The following WDR59 variants were observed in gnomAD, a reference collection of about 807,000 sequenced individuals.
The protein encoded by WDR59 is WD repeat domain 59.
Under a neutral mutation model 131.2 loss-of-function variants are expected in WDR59, and 100 were observed. That is an observed-to-expected ratio of 0.76 (90% CI 0.65 to 0.90). The LOEUF is 0.90. Among genes scored for constraint, WDR59 ranks in the 40% least tolerant of loss-of-function variants. The pLI is 0.00. For missense variants in WDR59, 1,203 were observed against 1,262.2 expected (o/e 0.95, Z 0.71); for synonymous variants, 601 against 466.2 (o/e 1.29, Z -3.72).
intron 18 of WDR59, among the ~76,000 whole-genome samples, chr16:74,898,758 C>T (rs977004711): frequency 9.2e-5 from 14 of 152,176 alleles, no homozygotes; most frequent in Non-Finnish European, 1.3e-4. Flanking sequence ...ATCCGCAGAG[C>T]GGGCAGGGAG....
chr16:74,895,994 C>T (rs935633451), intron 18 of WDR59, among the ~76,000 whole-genome samples: 1 of 152,032 alleles, frequency 6.6e-6, no homozygotes, highest in African/African-American at 2.4e-5. Flanking sequence ...CTGTGATTTT[C>T]ATTCAGGTTT....
chr16:74,921,890 G>A (rs549639241), intron 10 of WDR59, 57 bp downstream of exon 10: 1 of 1,570,410 alleles, frequency 6.4e-7, no homozygotes, highest in Non-Finnish European at 8.6e-7. Flanking sequence ...AACACTGACT[G>A]GCACCGCTGT....
intron 5 of WDR59, 97 bp from the exon 6 acceptor site, chr16:74,948,653 A>G (rs770903050): frequency 9.5e-7 from 1 of 1,048,912 alleles, no homozygotes; most frequent in South Asian, 1.3e-5. Context: ...CTTTCCTTTC[A>G]GTGGGAACTT....
At chr16:74,953,537 A>G (rs144519989) in intron 3 of WDR59, among the ~76,000 whole-genome samples, 179 of 152,200 alleles carry the variant, frequency 1.2e-3, no homozygotes, top group African/African-American at 4.1e-3. Flanking sequence ...AAACTTCATT[A>G]AAATTAAAGC....
chr16:74,879,022 T>C (rs551089124), intron 25 of WDR59, among the ~76,000 whole-genome samples: 1 of 152,280 alleles, frequency 6.6e-6, no homozygotes, highest in Non-Finnish European at 1.5e-5. Flanking sequence ...TCACTACTGA[T>C]ATTACTGAAG....
At chr16:74,929,095 G>T (rs2031144444) in intron 8 of WDR59, among the ~76,000 whole-genome samples, 2 of 152,136 alleles carry the variant, frequency 1.3e-5, no homozygotes. Context: ...CTTTTCTTGA[G>T]ACGGAGTCTC....
intron 8 of WDR59, among the ~76,000 whole-genome samples, chr16:74,930,197 T>G (rs1426936401): frequency 3.3e-5 from 5 of 152,184 alleles, no homozygotes; most frequent in South Asian, 2.1e-4. Flanking sequence ...AAGGGTATGA[T>G]TAGAATGTTT....
At chr16:74,890,480 C>T (rs1429300541) in intron 20 of WDR59, among the ~76,000 whole-genome samples, 1 of 152,058 alleles carries the variant, frequency 6.6e-6, no homozygotes, top group Admixed American at 6.6e-5. Context: ...GCTGTTTCAT[C>T]AGTAAGTTGG....
At position 74,916,122 on chromosome 16, in the gene WDR59, A is replaced by T. The variant is rs1966360657; in HGVS notation, c.1099+5T>A. 1 of 1,613,990 alleles carries T rather than the reference A, an allele frequency of 6.2e-7. No homozygotes were observed. Among genetic ancestry groups the T allele is most frequent in the African/African-American group, 1.3e-5 (1 of 74,902 alleles). On this transcript the variant is annotated splice_donor_5th_base_variant and intron_variant, in intron 12 of 25. Transcript: ENST00000262144. ...CTTACCTGAGACATCAGTTTGACAA[A>T]TTACCTTCTTCCTCCCCATGGCTTG...
Position 74,871,771 on chromosome 16 carries a change from C to A in WDR59, c.*2438G>T, listed in dbSNP as rs1392260260. 1 of 152,254 alleles carries A rather than the reference C, an allele frequency of 6.6e-6. No homozygotes were observed. Among genetic ancestry groups the A allele is most frequent in the Admixed American group, 6.5e-5 (1 of 15,272 alleles). The allele number at this position is 152,254 out of a possible 1,614,324, so 9.4% of individuals were successfully genotyped here. On this transcript the variant is annotated 3_prime_UTR_variant, in exon 26 of 26. Transcript: ENST00000262144. Reference sequence around the variant, plus strand: ...AATCAGCCAACCTATTCTGTGATCACCATTACAACAGAATTTGTGTATGCA... The same window carrying A: ...AATCAGCCAACCTATTCTGTGATCAACATTACAACAGAATTTGTGTATGCA...
chr16:74,888,718 G>A (rs1319036920), intron 21 of WDR59, among the ~76,000 whole-genome samples: 3 of 152,086 alleles, frequency 2.0e-5, no homozygotes, highest in African/African-American at 7.2e-5. Flanking sequence ...TCCCACACAT[G>A]TCATTTATAT....
At position 74,974,773 on chromosome 16, in the gene WDR59, T is replaced by C. The variant is rs150192391; in HGVS notation, c.55-8951A>G. Among the ~76,000 whole-genome samples the C allele has an allele frequency of 3.9e-3, 588 of 152,208 alleles. 1 individual carries two copies. The highest frequency in any genetic ancestry group is 0.014 in the African/African-American group (563 of 41,540). ...CTAAATAGAAATTGTGGGTACTGAG[T>C]CCCTAATGAACTTCCTTGGTACACA... is the stretch of plus-strand genomic sequence containing the variant. On this transcript the variant is annotated intron_variant, in intron 1 of 25. Transcript: ENST00000262144.
At chr16:74,957,409 C>G (rs768135400) in intron 2 of WDR59, among the ~76,000 whole-genome samples, 2 of 152,110 alleles carry the variant, frequency 1.3e-5, no homozygotes, top group African/African-American at 2.4e-5. Context: ...TGCTTCACAT[C>G]GCCAGGCTCA....
chr16:74,942,772 C>G lies in WDR59; in HGVS notation c.500G>C (p.Ser167Thr). The change falls in exon 7 of 26, where the codon AGC becomes ACC. Residue 167 changes from serine (S) to threonine (T), a missense_variant. By Grantham distance (58) the Ser-to-Thr change is moderately conservative. Coordinates refer to ENST00000262144, the MANE Select transcript of WDR59 (RefSeq NM_030581.4). ...CCATATCCGCACATCGCCGTCATGG[C>G]TGGTGGCAAGGCAGTTAGCATTTTT... ...NKKNANCLAT[S>T]HDGDVRIWDK... 1 of 1,612,584 alleles carries G rather than the reference C, an allele frequency of 6.2e-7. No individual in the cohort carries two copies.
chr16:74,946,391 C>G lies in WDR59; in HGVS notation c.445+2128G>C, dbSNP rs914267709. On this transcript the variant is annotated intron_variant, in intron 6 of 25. Transcript: ENST00000262144. Reference sequence around the variant, plus strand: ...ATCAGGCACAAATGCCTGTAGCGCACAAATACATACACTCGTCTACAGAAC... The same window carrying G: ...ATCAGGCACAAATGCCTGTAGCGCAGAAATACATACACTCGTCTACAGAAC... Among the ~76,000 whole-genome samples, 3 of 152,172 alleles carry G rather than the reference C, an allele frequency of 2.0e-5. No individual in the cohort carries two copies. The South Asian group carries it at 6.2e-4, about 32-fold the overall frequency.
intron 25 of WDR59, among the ~76,000 whole-genome samples, chr16:74,880,873 AAG>A (rs1247794328): frequency 6.6e-6 from 1 of 152,254 alleles, no homozygotes. Context: ...ATACAACAAA[AAG>A]TTTTGTGTAT....
At chr16:74,875,650 C>G (rs1224689133) in intron 25 of WDR59, among the ~76,000 whole-genome samples, 1 of 152,210 alleles carries the variant, frequency 6.6e-6, no homozygotes, top group Non-Finnish European at 1.5e-5. Context: ...GTCCACCTGC[C>G]CCTTTCTAGC....
chr16:74,877,501 G>C lies in WDR59; in HGVS notation c.2690-3057C>G, dbSNP rs367780417. ...AAAGTCTACTTCTGAAAAGTCTAGG[G>C]TTCTTAATTATTTACTGCTCTGTTT... On this transcript the variant is annotated intron_variant, in intron 25 of 25. Transcript: ENST00000262144. Among the ~76,000 whole-genome samples the C allele has an allele frequency of 2.4e-4, 36 of 152,186 alleles. 1 individual carries two copies. In the South Asian group the frequency reaches 5.8e-3, roughly 25 times the overall value.
At chr16:74,941,879 T>C (rs2032258774) in intron 7 of WDR59, among the ~76,000 whole-genome samples, 2 of 151,928 alleles carry the variant, frequency 1.3e-5, no homozygotes, top group Non-Finnish European at 2.9e-5. Flanking sequence ...TCCAAACGTA[T>C]GGAGGGAAGG....
Sources: gnomAD v4.1 joint callset for allele counts (sites outside exome capture counted in the v4.1 genomes callset) on GRCh38, gnomAD v4.1.1 for gene constraint, MANE v1.5 for transcripts, NCBI Gene and HGNC (gene_info 2026-07-23, HGNC 2026-07-21) for gene names.